Variants in LRCH2 observed in about 807,000 individuals in gnomAD.
The protein encoded by LRCH2 is leucine rich repeats and calponin homology domain containing 2.
LRCH2 carries 38 observed loss-of-function variants against 68.9 expected under a neutral mutation model. The ratio of observed to expected loss-of-function variants is 0.55; its 90% CI spans 0.43 to 0.72. The LOEUF (loss-of-function observed/expected upper bound fraction) is 0.72. Among genes scored for constraint, LRCH2 ranks in the 30% least tolerant of loss-of-function variants. The pLI, the probability that LRCH2 is intolerant of heterozygous loss-of-function variation, is 0.00. For synonymous variants in LRCH2, 191 were observed against 208.1 expected (o/e 0.92, Z 0.71); for missense variants, 528 against 572.9 (o/e 0.92, Z 0.80).
intron 1 of LRCH2, among the ~76,000 whole-genome samples, chrX:115,212,333 AC>A (rs782141022): frequency 2.7e-5 from 3 of 112,011 alleles, no homozygotes; most frequent in Non-Finnish European, 5.6e-5. Context: ...AGCTGAGGGA[AC>A]CCAAATCTTT....
intron 5 of LRCH2, among the ~76,000 whole-genome samples, chrX:115,177,561 A>G (rs1272095422): frequency 1.8e-5 from 2 of 111,750 alleles, no homozygotes. Context: ...CTGTACCTGG[A>G]GCCCCTGACT....
chrX:115,215,927 A>G (rs2073039217), intron 1 of LRCH2, among the ~76,000 whole-genome samples: 1 of 111,736 alleles, frequency 8.9e-6, no homozygotes, highest in African/African-American at 3.3e-5. Flanking sequence ...AATTTGGCAA[A>G]GTGAATCAAG....
rs868963053 is a variant in LRCH2 at position 115,125,574 on chromosome X, C to T, written c.1791+1269G>A. On this transcript the variant is annotated intron_variant, in intron 16 of 20. Transcript: ENST00000317135. Reference sequence around the variant, plus strand: ...ATATATATATATATATATATATATACACACACACATATATATATACACATA... The same window carrying T: ...ATATATATATATATATATATATATATACACACACATATATATATACACATA... Among the ~76,000 whole-genome samples, 15 of 21,304 alleles carry T rather than the reference C, an allele frequency of 7.0e-4. 1 individual carries two copies. Among genetic ancestry groups the T allele is most frequent in the African/African-American group, 3.1e-3 (14 of 4,494 alleles). The allele number at this position is 21,304 out of a possible 115,157, so 18.5% of individuals were successfully genotyped here.
At chrX:115,166,153 C>A in intron 7 of LRCH2, 102 bp downstream of exon 7, 1 of 671,831 alleles carries the variant, frequency 1.5e-6, no homozygotes. Flanking sequence ...ATATAATGAT[C>A]ATATTTTCAA....
chrX:115,179,609 C>T, intron 4 of LRCH2, 37 bp downstream of exon 4: 4 of 1,108,887 alleles, frequency 3.6e-6, no homozygotes, highest in Non-Finnish European at 4.8e-6. Context: ...CATAGTTACT[C>T]TCTTATTCAT....
chrX:115,181,849 A>G (rs2072693810), intron 3 of LRCH2, among the ~76,000 whole-genome samples: 1 of 111,833 alleles, frequency 8.9e-6, no homozygotes, highest in Admixed American at 9.5e-5. Flanking sequence ...CTCTGTATCC[A>G]TGGGTTCTGC....
chrX:115,142,099 C>A, intron 14 of LRCH2, among the ~76,000 whole-genome samples: 1 of 111,064 alleles, frequency 9.0e-6, no homozygotes, highest in African/African-American at 3.3e-5. Context: ...AAGGGGTAAA[C>A]TTAGTCAGAG....
intron 16 of LRCH2, among the ~76,000 whole-genome samples, chrX:115,124,884 C>T (rs1261809733): frequency 9.0e-6 from 1 of 111,379 alleles, no homozygotes; most frequent in Non-Finnish European, 1.9e-5. Flanking sequence ...AAGCATTACA[C>T]CAATTAGTTT....
intron 11 of LRCH2, among the ~76,000 whole-genome samples, chrX:115,159,537 G>T (rs1163769361): frequency 9.1e-6 from 1 of 110,012 alleles, no homozygotes; most frequent in Non-Finnish European, 1.9e-5. Flanking sequence ...GGATCACGAC[G>T]TCAGGAGATT....
intron 14 of LRCH2, among the ~76,000 whole-genome samples, chrX:115,134,301 T>G (rs1556531225): frequency 8.9e-6 from 1 of 112,671 alleles, no homozygotes; most frequent in African/African-American, 3.2e-5. Flanking sequence ...AGTGCTGATG[T>G]AGAAGCTGAA....
intron 3 of LRCH2, among the ~76,000 whole-genome samples, chrX:115,182,743 G>A (rs1245034926): frequency 9.8e-6 from 1 of 101,978 alleles, no homozygotes; most frequent in East Asian, 3.2e-4. Context: ...TGAGGCAGGA[G>A]AATTGCTTGA....
At position 115,158,826 on chromosome X, in the gene LRCH2, T is replaced by A. The variant is rs191382223; in HGVS notation, c.1464-2159A>T. Among the ~76,000 whole-genome samples, 220 of 111,836 alleles carry A rather than the reference T, an allele frequency of 2.0e-3. 3 individuals carry two copies. Among genetic ancestry groups the A allele is most frequent in the Middle Eastern group, 0.019 (4 of 216 alleles). On this transcript the variant is annotated intron_variant, in intron 11 of 20. Transcript: ENST00000317135. ...TATTTTAATCCTTTCTTTAGAATAG[T>A]AACTAAACAAAATTTAAGAAGCCAG...
At chrX:115,127,216 A>G (rs1337155172) in intron 15 of LRCH2, among the ~76,000 whole-genome samples, 1 of 111,835 alleles carries the variant, frequency 8.9e-6, no homozygotes, top group Non-Finnish European at 1.9e-5. Flanking sequence ...ACGTGTTACC[A>G]ATCTGAGACA....
At chrX:115,119,523 T>C (rs1556525095) in intron 20 of LRCH2, among the ~76,000 whole-genome samples, 1 of 70,829 alleles carries the variant, frequency 1.4e-5, no homozygotes, top group Non-Finnish European at 2.6e-5. Context: ...TAAAAGAGGA[T>C]ACAAACAAAT....
At chrX:115,186,457 T>C (rs1414423880) in intron 2 of LRCH2, among the ~76,000 whole-genome samples, 1 of 111,565 alleles carries the variant, frequency 9.0e-6, no homozygotes, top group Non-Finnish European at 1.9e-5. Flanking sequence ...TTTTACTACA[T>C]GCCTTAGAGA....
chrX:115,204,004 G>A (rs187210860), intron 1 of LRCH2, among the ~76,000 whole-genome samples: 288 of 112,779 alleles, frequency 2.6e-3, no homozygotes, highest in African/African-American at 8.4e-3. Context: ...CTGCCTGGAC[G>A]TTCAGGCATT....
chrX:115,211,246 T>A (rs1364497561), intron 1 of LRCH2, among the ~76,000 whole-genome samples: 3 of 111,551 alleles, frequency 2.7e-5, no homozygotes. Context: ...AGGGAACTGG[T>A]GGGAAATAAT....
At chrX:115,218,313 T>A (rs1406395511) in intron 1 of LRCH2, among the ~76,000 whole-genome samples, 2 of 112,112 alleles carry the variant, frequency 1.8e-5, no homozygotes, top group Admixed American at 9.5e-5. Context: ...TTGATGATGT[T>A]CAATTAGTTT....
At chrX:115,194,067 A>G (rs1356297611) in intron 1 of LRCH2, among the ~76,000 whole-genome samples, 1 of 110,835 alleles carries the variant, frequency 9.0e-6, no homozygotes, top group Non-Finnish European at 1.9e-5. Context: ...GATGAGGCCT[A>G]TTCACTTAGC....
Sources: gnomAD v4.1 joint callset for allele counts (sites outside exome capture counted in the v4.1 genomes callset) on GRCh38, gnomAD v4.1.1 for gene constraint, MANE v1.5 for transcripts, NCBI Gene and HGNC (gene_info 2026-07-23, HGNC 2026-07-21) for gene names.